The following FXYD6 variants were observed in gnomAD, a reference collection of about 807,000 sequenced individuals.
FXYD6 encodes the protein FXYD domain containing ion transport regulator 6, also known as FXYD domain-containing ion transport regulator 6.
In FXYD6, 7 loss-of-function variants were observed where a neutral mutation model predicts 16.7. The ratio of observed to expected loss-of-function variants is 0.42; its 90% CI spans 0.24 to 0.79. The LOEUF is 0.79. FXYD6 is among the 30% of genes least tolerant of loss of function. FXYD6 has a pLI of 0.28. For missense variants in FXYD6, 111 were observed against 116.2 expected (o/e 0.95, Z 0.21); for synonymous variants, 49 against 43.0 (o/e 1.14, Z -0.54).
At chr11:117,875,538 C>G (rs2057239010) in intron 1 of FXYD6, among the ~76,000 whole-genome samples, 1 of 152,038 alleles carries the variant, frequency 6.6e-6, no homozygotes, top group Admixed American at 6.5e-5. Context: ...AAGTTGCGGA[C>G]GTAGACATAC....
At chr11:117,869,201 A>T (rs873713) in intron 1 of FXYD6, 30,794 of 152,254 alleles carry the variant, frequency 0.2, 4,105 homozygotes, top group Admixed American at 0.33. Flanking sequence ...GGACTCAGAG[A>T]CTGGCAAGGG....
chr11:117,870,574 T>C lies in FXYD6; in HGVS notation c.-6+6018A>G, dbSNP rs1268189657. On this transcript the variant is annotated intron_variant, in intron 1 of 7. Transcript: ENST00000526014. This position sits in a 1 kb window ranked among gnomAD's most constrained non-coding sequence, Gnocchi z 4.2. The stretch of plus-strand genomic sequence containing the variant: ...GCCTACCTCTTTAGAAGGACAGCTC[T>C]GGCCTGCATGTTTCAGCCTACAGGG... 6.6e-6 allele frequency among the ~76,000 whole-genome samples: 1 copy of C among 152,266 alleles called. No homozygotes were observed. Among genetic ancestry groups the C allele is most frequent in the Non-Finnish European group, 1.5e-5 (1 of 68,050 alleles).
At chr11:117,840,068 T>C (rs1211204488) in intron 6 of FXYD6, 4 of 643,094 alleles carry the variant, frequency 6.2e-6, no homozygotes, top group Non-Finnish European at 1.1e-5. Flanking sequence ...ATTTCAGGGC[T>C]GTGTGCCCAT....
rs142894746 is a variant in FXYD6, at chr11:117,852,833, C to T, written c.-5-10052G>A. Among the ~76,000 whole-genome samples the T allele has an allele frequency of 6.1e-3, 929 of 152,318 alleles. 9 individuals carry two copies. Among genetic ancestry groups the T allele is most frequent in the African/African-American group, 0.022 (899 of 41,568 alleles). On this transcript the variant is annotated intron_variant, in intron 1 of 7. Transcript: ENST00000526014. ...CATATTTTCCACTTCCTTCTCTATG[C>T]TACATTCCAGGTAATTATTTCATAT... is the stretch of plus-strand genomic sequence containing the variant.
At chr11:117,839,945 G>A (rs2056300472) in intron 6 of FXYD6, 115 bp from the exon 7 acceptor site, 1 of 1,349,612 alleles carries the variant, frequency 7.4e-7, no homozygotes, top group South Asian at 1.2e-5. Flanking sequence ...TGACGGGCAT[G>A]GGATTTCGAG....
intron 4 of FXYD6, 59 bp from the exon 5 acceptor site, chr11:117,841,243 G>A (rs2056336211): frequency 6.2e-7 from 1 of 1,612,518 alleles, no homozygotes; most frequent in South Asian, 1.1e-5. Flanking sequence ...GCAGGGCCAA[G>A]GGTCTGTGCA....
chr11:117,863,344 G>C (rs1303123386), intron 1 of FXYD6, among the ~76,000 whole-genome samples: 2 of 151,562 alleles, frequency 1.3e-5, no homozygotes, highest in Admixed American at 6.6e-5. Context: ...GCAAAACGGA[G>C]GGAAAAAAAA....
At chr11:117,874,822 G>A (rs749352916) in intron 1 of FXYD6, among the ~76,000 whole-genome samples, 8 of 152,244 alleles carry the variant, frequency 5.3e-5, no homozygotes, top group East Asian at 1.9e-4. Flanking sequence ...CTGGAGCTCC[G>A]GACTGGGGCT....
chr11:117,841,097 C>T, intron 5 of FXYD6, 51 bp downstream of exon 5: 1 of 1,611,976 alleles, frequency 6.2e-7, no homozygotes, highest in Non-Finnish European at 8.5e-7. Context: ...GGGGTCCCTT[C>T]CTGTCCCACC....
intron 1 of FXYD6, among the ~76,000 whole-genome samples, chr11:117,869,490 G>A (rs538884459): frequency 2.4e-4 from 36 of 152,332 alleles, no homozygotes; most frequent in Non-Finnish European, 1.9e-4. Flanking sequence ...AGGCTGAGTC[G>A]TCAGGTACCC....
At chr11:117,850,014 G>A (rs1032056414) in intron 1 of FXYD6, among the ~76,000 whole-genome samples, 8 of 152,208 alleles carry the variant, frequency 5.3e-5, no homozygotes, top group Non-Finnish European at 8.8e-5. Context: ...ACCATTTCCT[G>A]TACATATGTC....
chr11:117,868,303 G>A (rs2057054582), intron 1 of FXYD6, among the ~76,000 whole-genome samples: 2 of 152,128 alleles, frequency 1.3e-5, no homozygotes, highest in Admixed American at 1.3e-4. Context: ...GAAAGGGATG[G>A]AAAACCCAGT....
intron 1 of FXYD6, among the ~76,000 whole-genome samples, chr11:117,855,905 A>G (rs2056715713): frequency 6.6e-6 from 1 of 152,090 alleles, no homozygotes; most frequent in Admixed American, 6.5e-5. Flanking sequence ...GACCATTTGG[A>G]CCACTCTCCC....
At chr11:117,850,073 C>T (rs1404837265) in intron 1 of FXYD6, among the ~76,000 whole-genome samples, 1 of 152,228 alleles carries the variant, frequency 6.6e-6, no homozygotes, top group Non-Finnish European at 1.5e-5. Context: ...ATGAATCTGC[C>T]ATTTCATTTC....
Position 117,842,754 on chromosome 11 carries a change from A to C in FXYD6, c.23T>G (p.Leu8Arg). 6.4e-7 allele frequency: 1 copy of C among 1,569,204 alleles called. No homozygotes were observed. Among genetic ancestry groups the C allele is most frequent in the Non-Finnish European group, 8.6e-7 (1 of 1,156,412 alleles). The change falls in exon 2 of 8, where the codon CTC (leucine) becomes CGC (arginine). Residue 8 changes from leucine (L) to arginine (R), a missense_variant. By Grantham distance (102) the Leu-to-Arg change is moderately radical. Transcript: ENST00000526014. Reference protein sequence around the residue: MELVLVFLCSLLAPMVLA... With the variant: MELVLVFRCSLLAPMVLA... ...GACCATGGGGGCCAGCAGGCTGCAG[A>C]GGAAGACCAGCACCAACTCCATGGC... is the stretch of plus-strand genomic sequence containing the variant.
At chr11:117,855,683 G>A (rs1344068456) in intron 1 of FXYD6, among the ~76,000 whole-genome samples, 1 of 152,228 alleles carries the variant, frequency 6.6e-6, no homozygotes, top group African/African-American at 2.4e-5. Flanking sequence ...ACAGGAAGGA[G>A]GAGTCACTGG....
At chr11:117,863,953 T>G (rs1438970914) in intron 1 of FXYD6, among the ~76,000 whole-genome samples, 3 of 152,140 alleles carry the variant, frequency 2.0e-5, no homozygotes, top group Non-Finnish European at 4.4e-5. Context: ...AAAGAAGATG[T>G]AAATAAACGG....
In FXYD6 at chr11:117,841,975, G is replaced by T. The variant is rs759701515; in HGVS notation, c.97+15C>A. ...ATTCCCCCTGACCCCTGCACCCAGGGTTGCCATCGCTCACCATAATGAAAA... is the reference window on the plus strand; with the variant it reads ...ATTCCCCCTGACCCCTGCACCCAGGTTTGCCATCGCTCACCATAATGAAAA... On this transcript the variant is annotated intron_variant, in intron 3 of 7. Transcript: ENST00000526014. The T allele has an allele frequency of 1.2e-6, 2 of 1,614,154 alleles. No individual in the cohort carries two copies. The highest frequency in any genetic ancestry group is 1.7e-6 in the Non-Finnish European group (2 of 1,180,042).
chr11:117,838,670 C>A, intron 7 of FXYD6: 1 of 215,086 alleles, frequency 4.6e-6, no homozygotes, highest in Non-Finnish European at 9.5e-6. Flanking sequence ...CACCAAGCTA[C>A]CAGGAAGGGC....
Sources: gnomAD v4.1 joint callset for allele counts (sites outside exome capture counted in the v4.1 genomes callset) on GRCh38, gnomAD v4.1.1 for gene constraint, Gnocchi (gnomAD v3.1) non-coding constraint, MANE v1.5 for transcripts, NCBI Gene and HGNC (gene_info 2026-07-23, HGNC 2026-07-21) for gene names.